Variants in SIL1 observed in about 807,000 individuals in gnomAD.
SIL1 encodes the protein nucleotide exchange factor SIL1.
In SIL1, 40 loss-of-function variants were observed where a neutral mutation model predicts 49.1. That is an observed-to-expected ratio of 0.81 (90% CI 0.63 to 1.06). The LOEUF (loss-of-function observed/expected upper bound fraction) is 1.06. Ranked by LOEUF, SIL1 falls within the 50% of genes least tolerant of loss-of-function variation. The pLI is 0.00. For missense variants in SIL1, 500 were observed against 572.6 expected (o/e 0.87, Z 1.29); for synonymous variants, 253 against 250.8 (o/e 1.01, Z -0.08).
chr5:139,136,953 G>A (rs1270041490), intron 1 of SIL1, among the ~76,000 whole-genome samples: 1 of 152,156 alleles, frequency 6.6e-6, no homozygotes, highest in Non-Finnish European at 1.5e-5. Flanking sequence ...GAAGGAGGGG[G>A]CAGGGAGGTA....
chr5:139,188,325 T>G (rs1295078432), intron 1 of SIL1, among the ~76,000 whole-genome samples: 1 of 152,188 alleles, frequency 6.6e-6, no homozygotes, highest in African/African-American at 2.4e-5. Flanking sequence ...AAAAAGATAC[T>G]GCAGAGGCTC....
chr5:139,096,377 C>A (rs543199643), intron 3 of SIL1, among the ~76,000 whole-genome samples: 1 of 152,104 alleles, frequency 6.6e-6, no homozygotes, highest in Non-Finnish European at 1.5e-5. Flanking sequence ...AGGACTGTAA[C>A]TCTCAGGTGA....
At chr5:139,160,313 G>T (rs1356061897) in intron 1 of SIL1, among the ~76,000 whole-genome samples, 2 of 152,034 alleles carry the variant, frequency 1.3e-5, no homozygotes, top group Admixed American at 6.6e-5. Context: ...AACAACACAG[G>T]GGCCAGGAAA....
At chr5:138,952,005 G>A (rs939116305) in intron 7 of SIL1, 121 bp from the exon 8 acceptor site, 22 of 895,588 alleles carry the variant, frequency 2.5e-5, no homozygotes, top group Non-Finnish European at 3.3e-5. Flanking sequence ...GTTCCCACAC[G>A]GGGCAAGTCA....
At chr5:138,959,407 C>T (rs769191813) in intron 7 of SIL1, among the ~76,000 whole-genome samples, 8 of 152,326 alleles carry the variant, frequency 5.3e-5, no homozygotes, top group Admixed American at 1.3e-4. Context: ...GGCAGCTTTA[C>T]GCTAGTTTAA....
At chr5:139,089,691 GAAGA>G (rs908641999) in intron 3 of SIL1, among the ~76,000 whole-genome samples, 2 of 152,146 alleles carry the variant, frequency 1.3e-5, no homozygotes, top group African/African-American at 2.4e-5. Context: ...CTCAGTGAAA[GAAGA>G]CAGACACAAA....
intron 7 of SIL1, among the ~76,000 whole-genome samples, chr5:138,954,773 G>C (rs1033086616): frequency 1.3e-5 from 2 of 152,248 alleles, no homozygotes; most frequent in East Asian, 3.8e-4. Context: ...CTCTGGATGT[G>C]CAAGGACCAG....
intron 1 of SIL1, among the ~76,000 whole-genome samples, chr5:139,193,187 A>C (rs1190576298): frequency 6.6e-6 from 1 of 152,098 alleles, no homozygotes; most frequent in East Asian, 1.9e-4. Flanking sequence ...GGGGGAAAAA[A>C]AGTTAGATAT....
At chr5:139,099,171 G>T (rs756338595) in intron 3 of SIL1, among the ~76,000 whole-genome samples, 3 of 151,966 alleles carry the variant, frequency 2.0e-5, no homozygotes, top group African/African-American at 4.8e-5. Flanking sequence ...TATATGAAAA[G>T]GTACTTAACA....
intron 3 of SIL1, among the ~76,000 whole-genome samples, chr5:139,116,722 C>T (rs763467283): frequency 6.6e-6 from 1 of 152,244 alleles, no homozygotes; most frequent in Non-Finnish European, 1.5e-5. Flanking sequence ...AGCAATCCTC[C>T]CACCTCAGCC....
intron 1 of SIL1, among the ~76,000 whole-genome samples, chr5:139,176,266 A>G (rs1329565896): frequency 1.3e-5 from 2 of 152,168 alleles, no homozygotes; most frequent in Admixed American, 6.5e-5. Flanking sequence ...CCAGATTTCT[A>G]TCTACATTCT....
intron 7 of SIL1, among the ~76,000 whole-genome samples, chr5:138,974,358 G>T (rs1222110753): frequency 1.3e-5 from 2 of 152,174 alleles, no homozygotes; most frequent in Non-Finnish European, 2.9e-5. Flanking sequence ...CCCCCTTTGG[G>T]CCTGCTCTAC....
chr5:139,119,813 A>T (rs1167789461), intron 3 of SIL1, among the ~76,000 whole-genome samples: 1 of 152,188 alleles, frequency 6.6e-6, no homozygotes, highest in South Asian at 2.1e-4. Context: ...CAGCGGATAT[A>T]GTCCGTATCT....
chr5:139,131,564 C>T (rs1411130541), intron 1 of SIL1: 1 of 152,252 alleles, frequency 6.6e-6, no homozygotes, highest in East Asian at 1.9e-4. Flanking sequence ...CTGCTACACT[C>T]ACCCAGCAGC....
chr5:139,045,107 G>A (rs926021294), intron 4 of SIL1, among the ~76,000 whole-genome samples: 5 of 152,028 alleles, frequency 3.3e-5, no homozygotes, highest in Non-Finnish European at 7.4e-5. Context: ...CTGTAATTCC[G>A]GCACTTTGGG....
intron 1 of SIL1, among the ~76,000 whole-genome samples, chr5:139,194,512 G>A (rs1444004032): frequency 1.3e-5 from 2 of 152,218 alleles, no homozygotes; most frequent in African/African-American, 4.8e-5. Context: ...CTCTGCTGTA[G>A]AAGACTAAGG....
chr5:139,165,050 T>C (rs1751588567), intron 1 of SIL1, among the ~76,000 whole-genome samples: 1 of 152,220 alleles, frequency 6.6e-6, no homozygotes, highest in African/African-American at 2.4e-5. Context: ...TGTTTTCCTT[T>C]CTTCCTTCCT....
In SIL1 at chr5:139,072,626, G is replaced by A. The variant is rs188883151; in HGVS notation, c.245-21580C>T. On this transcript the variant is annotated intron_variant, in intron 3 of 9. Coordinates refer to ENST00000394817, the MANE Select transcript of SIL1 (RefSeq NM_022464.5). ...GAAACTACTGGAAGAAAATACAGTG[G>A]GAAAGCTCCATGACATTAGTCTGAG... Among the ~76,000 whole-genome samples, 635 of 152,194 alleles carry A rather than the reference G, an allele frequency of 4.2e-3. 7 individuals carry two copies. Among genetic ancestry groups the A allele is most frequent in the African/African-American group, 0.01 (420 of 41,540 alleles).
chr5:139,139,738 G>A (rs750985429), intron 1 of SIL1, among the ~76,000 whole-genome samples: 2 of 152,234 alleles, frequency 1.3e-5, no homozygotes, highest in African/African-American at 2.4e-5. Flanking sequence ...TGTAATCCTA[G>A]CATTTTGGGA....
Sources: allele counts gnomAD v4.1 joint callset (sites outside exome capture counted in the v4.1 genomes callset), GRCh38; gene constraint gnomAD v4.1.1; transcripts MANE v1.5; gene names NCBI Gene and HGNC (gene_info 2026-07-23, HGNC 2026-07-21).